Variants in CFAP299 observed in about 807,000 individuals in gnomAD.
CFAP299 encodes cilia and flagella associated protein 299.
A neutral mutation model predicts 27.0 loss-of-function variants in CFAP299; 21 were observed. The ratio of observed to expected loss-of-function variants is 0.78; its 90% confidence interval spans 0.55 to 1.12. CFAP299 has a LOEUF of 1.12. Ranked by LOEUF, CFAP299 falls within the 50% of genes most tolerant of loss-of-function variation. CFAP299 has a pLI of 0.00. For missense variants in CFAP299, 310 were observed against 276.6 expected, an observed-to-expected ratio of 1.12 and a Z score of -0.86; for synonymous variants, 104 against 98.1, an observed-to-expected ratio of 1.06 and a Z score of -0.36.
Position 80,925,169 on chromosome 4 carries a change from T to C in CFAP299, c.477-19641T>C, listed in dbSNP as rs147048862. ...CAATATGTGCCAGTAACCTACCTATTCTCCCTTTCATTGCTTGTTGAAGCT... is the reference window on the plus strand; with the variant it reads ...CAATATGTGCCAGTAACCTACCTATCCTCCCTTTCATTGCTTGTTGAAGCT... On this transcript the variant is annotated intron_variant, in intron 4 of 5. Coordinates refer to ENST00000358105, the MANE Select transcript of CFAP299 (RefSeq NM_152770.3). Among the ~76,000 whole-genome samples the C allele has an allele frequency of 3.1e-3, 470 of 152,038 alleles. 2 individuals are homozygous for C. Among genetic ancestry groups the C allele is most frequent in the African/African-American group, 0.011 (451 of 41,518 alleles).
At chr4:80,772,448 C>T (rs540231714) in intron 3 of CFAP299, among the ~76,000 whole-genome samples, 80 of 152,056 alleles carry the variant, frequency 5.3e-4, no homozygotes, top group African/African-American at 1.8e-3. Context: ...GTTTCATTTC[C>T]GGGAACTCAC....
At chr4:80,800,661 T>A in intron 3 of CFAP299, among the ~76,000 whole-genome samples, 1 of 102,578 alleles carries the variant, frequency 9.7e-6, no homozygotes, top group South Asian at 2.6e-4. Flanking sequence ...ATATATATGA[T>A]ATATTAATAT....
intron 3 of CFAP299, among the ~76,000 whole-genome samples, chr4:80,604,042 G>T (rs926570704): frequency 6.6e-6 from 1 of 152,088 alleles, no homozygotes; most frequent in Non-Finnish European, 1.5e-5. Context: ...GAAATTAAGA[G>T]ATTTTAAACC....
intron 3 of CFAP299, among the ~76,000 whole-genome samples, chr4:80,805,755 C>T (rs1237440003): frequency 6.6e-6 from 1 of 151,948 alleles, no homozygotes; most frequent in Non-Finnish European, 1.5e-5. Flanking sequence ...ATACCTGTAG[C>T]TCCAGCAGCT....
At chr4:80,579,180 T>C (rs1736040734) in intron 2 of CFAP299, among the ~76,000 whole-genome samples, 1 of 152,172 alleles carries the variant, frequency 6.6e-6, no homozygotes, top group Non-Finnish European at 1.5e-5. Context: ...TTCTCCATAA[T>C]AGTGGCCTCC....
chr4:80,545,502 G>A (rs1168830896), intron 2 of CFAP299, among the ~76,000 whole-genome samples: 1 of 151,880 alleles, frequency 6.6e-6, no homozygotes, highest in Non-Finnish European at 1.5e-5. Flanking sequence ...AAACCTAGAA[G>A]AAATTGAAGT....
intron 1 of CFAP299, among the ~76,000 whole-genome samples, chr4:80,342,141 C>T (rs1249091389): frequency 6.6e-6 from 1 of 152,146 alleles, no homozygotes; most frequent in Non-Finnish European, 1.5e-5. Context: ...AAGGAACAAA[C>T]AAAACCTGTG....
chr4:80,737,070 A>G (rs1723940555), intron 3 of CFAP299, among the ~76,000 whole-genome samples: 1 of 151,510 alleles, frequency 6.6e-6, no homozygotes, highest in Non-Finnish European at 1.5e-5. Flanking sequence ...AAAACAAAAA[A>G]CCAAACACCG....
intron 3 of CFAP299, among the ~76,000 whole-genome samples, chr4:80,674,412 C>T (rs1168376578): frequency 6.6e-6 from 1 of 152,158 alleles, no homozygotes; most frequent in African/African-American, 2.4e-5. Context: ...GATGGTCTTC[C>T]CTTTGTGGGT....
chr4:80,396,061 G>A (rs1725770280), intron 2 of CFAP299, among the ~76,000 whole-genome samples: 2 of 152,116 alleles, frequency 1.3e-5, no homozygotes, highest in African/African-American at 4.8e-5. Context: ...AGCAATAGAT[G>A]TCTTCCATTG....
intron 3 of CFAP299, among the ~76,000 whole-genome samples, chr4:80,700,997 A>C (rs1721440429): frequency 6.6e-6 from 1 of 152,072 alleles, no homozygotes; most frequent in Non-Finnish European, 1.5e-5. Flanking sequence ...CAAGATTGGT[A>C]CTAGAAGAGA....
At chr4:80,942,869 T>G (rs1037574438) in intron 4 of CFAP299, among the ~76,000 whole-genome samples, 8 of 152,158 alleles carry the variant, frequency 5.3e-5, no homozygotes, top group Non-Finnish European at 1.2e-4. Context: ...AACTGAAAAG[T>G]CAGTAATATG....
chr4:80,710,451 T>C (rs1383849373), intron 3 of CFAP299, among the ~76,000 whole-genome samples: 3 of 150,078 alleles, frequency 2.0e-5, no homozygotes, highest in Non-Finnish European at 4.4e-5. Flanking sequence ...AAGTAACAAG[T>C]CTCTCATAAC....
chr4:80,396,691 G>T (rs1725815554), intron 2 of CFAP299, among the ~76,000 whole-genome samples: 1 of 152,120 alleles, frequency 6.6e-6, no homozygotes, highest in Admixed American at 6.5e-5. Context: ...TTATTGATTT[G>T]TGTATGTTGA....
chr4:80,424,393 A>C (rs531259707), intron 2 of CFAP299, among the ~76,000 whole-genome samples: 2 of 152,340 alleles, frequency 1.3e-5, no homozygotes, highest in Non-Finnish European at 2.9e-5. Context: ...TTTCTGCACT[A>C]TCTGGGTAAA....
chr4:80,926,622 A>C (rs73831204), intron 4 of CFAP299, among the ~76,000 whole-genome samples: 11,359 of 152,026 alleles, frequency 0.075, 818 homozygotes, highest in African/African-American at 0.17. Context: ...ATTCCTGGGG[A>C]AGATGGCAGT....
intron 1 of CFAP299, among the ~76,000 whole-genome samples, chr4:80,341,688 A>T (rs530502198): frequency 3.3e-5 from 5 of 152,338 alleles, no homozygotes; most frequent in African/African-American, 1.2e-4. Flanking sequence ...TCAAAAATTA[A>T]AGTTAGATAA....
chr4:80,495,323 A>T (rs1308492662), intron 2 of CFAP299, among the ~76,000 whole-genome samples: 2 of 152,220 alleles, frequency 1.3e-5, no homozygotes, highest in Non-Finnish European at 2.9e-5. Context: ...CTATATATTT[A>T]AAACAACATT....
At chr4:80,799,577 ATAAAATATATTATATAAAAT>A (rs1728160912) in intron 3 of CFAP299, among the ~76,000 whole-genome samples, 1 of 72,808 alleles carries the variant, frequency 1.4e-5, no homozygotes, top group African/African-American at 5.9e-5. Context: ...ATATATATTT[ATAAAATATATTATATAAAAT>A]ATATATTTTA....
Sources: gnomAD v4.1 joint callset for allele counts (sites outside exome capture counted in the v4.1 genomes callset) on GRCh38, gnomAD v4.1.1 for gene constraint, MANE v1.5 for transcripts, NCBI Gene and HGNC (gene_info 2026-07-23, HGNC 2026-07-21) for gene names.